CHMP3: variants seen among roughly 807,000 people sequenced by gnomAD.
CHMP3 encodes the protein charged multivesicular body protein 3, also known as 25.1 protein.
A neutral mutation model predicts 27.4 loss-of-function variants in CHMP3; 8 were observed. The ratio of observed to expected loss-of-function variants is 0.29; its 90% CI spans 0.17 to 0.53. The LOEUF (loss-of-function observed/expected upper bound fraction) is 0.53. CHMP3 is among the 20% of genes least tolerant of loss of function. The probability of loss-of-function intolerance (pLI) is 0.96; values close to 1 mark genes in which losing one functional copy is unlikely to be tolerated. For missense variants in CHMP3, 208 were observed against 271.5 expected, an observed-to-expected ratio of 0.77 and a Z score of 1.64; for synonymous variants, 86 against 85.5, an observed-to-expected ratio of 1.01 and a Z score of -0.03.
At chr2:86,563,160 G>GC (rs922295648) in intron 1 of CHMP3, 144 bp downstream of exon 1, 16 of 949,320 alleles carry the variant, frequency 1.7e-5, no homozygotes, top group Admixed American at 1.1e-4. Context: ...TCTTCCTCCG[G>GC]CCCCCCTGTC....
chr2:86,535,994 CTTTTT>C (rs60555193), intron 2 of CHMP3, among the ~76,000 whole-genome samples: 6 of 111,542 alleles, frequency 5.4e-5, no homozygotes, highest in Admixed American at 1.1e-4. Context: ...ATAAACCTTT[CTTTTT>C]TTTTTTTTTT....
intron 1 of CHMP3, among the ~76,000 whole-genome samples, chr2:86,544,876 C>T (rs1202232636): frequency 6.6e-6 from 1 of 152,204 alleles, no homozygotes; most frequent in Non-Finnish European, 1.5e-5. Flanking sequence ...GGGTACACTT[C>T]CCAGACGGGG....
At chr2:86,534,733 C>T (rs1035060180) in intron 2 of CHMP3, among the ~76,000 whole-genome samples, 10 of 152,052 alleles carry the variant, frequency 6.6e-5, no homozygotes, top group African/African-American at 1.9e-4. Flanking sequence ...CTCATATAAT[C>T]TTTATTTAAA....
chr2:86,510,279 C>A, intron 4 of CHMP3, 79 bp downstream of exon 4: 60 of 1,239,680 alleles, frequency 4.8e-5, no homozygotes, highest in Non-Finnish European at 5.3e-5. Flanking sequence ...TCCCCACCCA[C>A]CCTCATCCCT....
chr2:86,556,891 C>T (rs768333212), intron 1 of CHMP3, among the ~76,000 whole-genome samples: 13 of 152,238 alleles, frequency 8.5e-5, no homozygotes, highest in Middle Eastern at 3.4e-3. Context: ...ATCTGCGGGT[C>T]GGACCCGGAA....
At chr2:86,558,565 C>A in intron 1 of CHMP3, among the ~76,000 whole-genome samples, 1 of 152,154 alleles carries the variant, frequency 6.6e-6, no homozygotes. Flanking sequence ...ATCTTACTTG[C>A]CCGAATTGAC....
chr2:86,561,660 T>G (rs1008956225), intron 1 of CHMP3: 1 of 152,234 alleles, frequency 6.6e-6, no homozygotes, highest in Non-Finnish European at 1.5e-5. Context: ...AAGCATAGTT[T>G]TAAAAACCAA....
chr2:86,516,935 T>G (rs1232636275), intron 3 of CHMP3, among the ~76,000 whole-genome samples: 1 of 152,212 alleles, frequency 6.6e-6, no homozygotes, highest in African/African-American at 2.4e-5. Flanking sequence ...ATGGAAATGT[T>G]CTGTAGTTTG....
intron 3 of CHMP3, among the ~76,000 whole-genome samples, chr2:86,527,810 A>C (rs1675773715): frequency 6.6e-6 from 1 of 152,018 alleles, no homozygotes; most frequent in Non-Finnish European, 1.5e-5. Context: ...AAAATACAAA[A>C]ATTAGCTGGG....
intron 1 of CHMP3, among the ~76,000 whole-genome samples, chr2:86,550,632 G>A (rs1486249128): frequency 2.0e-5 from 3 of 151,914 alleles, no homozygotes; most frequent in Non-Finnish European, 4.4e-5. Context: ...TAAATAAAAG[G>A]CATTTACTTA....
intron 3 of CHMP3, among the ~76,000 whole-genome samples, chr2:86,521,067 G>T (rs1276761938): frequency 2.6e-5 from 4 of 152,064 alleles, no homozygotes; most frequent in Non-Finnish European, 4.4e-5. Flanking sequence ...AAGGTTCTTT[G>T]TAATTCTCCC....
At position 86,512,254 on chromosome 2, in the gene CHMP3, G is replaced by T. The variant is rs144739069; in HGVS notation, c.287-1775C>A. 554 of 152,296 alleles carry T rather than the reference G, an allele frequency of 3.6e-3. 3 individuals are homozygous for T. Among genetic ancestry groups the T allele is most frequent in the South Asian group, 0.011 (51 of 4,824 alleles). The allele number at this position is 152,296 out of a possible 1,614,324, so 9.4% of individuals were successfully genotyped here. The stretch of plus-strand genomic sequence containing the variant: ...AATGGATTAGGTGCCCTTAGAAAAG[G>T]GCCTACAGGAGGCAGTTCGTTCTCC... On this transcript the variant is annotated intron_variant, in intron 3 of 5. Coordinates refer to ENST00000263856, the MANE Select transcript of CHMP3 (RefSeq NM_016079.4).
At chr2:86,520,893 C>T (rs939855979) in intron 3 of CHMP3, among the ~76,000 whole-genome samples, 1 of 152,170 alleles carries the variant, frequency 6.6e-6, no homozygotes, top group African/African-American at 2.4e-5. Flanking sequence ...GTGACTTGCA[C>T]GTATACATCC....
intron 4 of CHMP3, among the ~76,000 whole-genome samples, 168 bp from the exon 5 acceptor site, chr2:86,507,761 A>G (rs1434590106): frequency 6.6e-6 from 1 of 152,202 alleles, no homozygotes; most frequent in African/African-American, 2.4e-5. Context: ...TCTCTGCAGA[A>G]ATGCAAAAGC....
rs189823290 is a variant in CHMP3 at position 86,536,820 on chromosome 2, A to C, written c.106+5432T>G. 2.3e-3 allele frequency among the ~76,000 whole-genome samples: 356 copies of C among 152,216 alleles called. 1 individual carries two copies. The highest frequency in any genetic ancestry group is 7.9e-3 in the African/African-American group (328 of 41,524). On this transcript the variant is annotated intron_variant, in intron 2 of 5. Coordinates refer to ENST00000263856, the MANE Select transcript of CHMP3 (RefSeq NM_016079.4). Reference sequence around the variant, plus strand: ...TGCACCTTTCTCTCTCTCTTCTCCTAAAGTTTCCACAATGCATGTTGGTCT... The same window carrying C: ...TGCACCTTTCTCTCTCTCTTCTCCTCAAGTTTCCACAATGCATGTTGGTCT...
At chr2:86,512,260 C>CA (rs1306740655) in intron 3 of CHMP3, 2 of 152,222 alleles carry the variant, frequency 1.3e-5, no homozygotes, top group Admixed American at 1.3e-4. Context: ...AAAGGGCCTA[C>CA]AGGAGGCAGT....
intron 1 of CHMP3, among the ~76,000 whole-genome samples, chr2:86,553,433 G>C (rs762038757): frequency 6.6e-6 from 1 of 152,164 alleles, no homozygotes; most frequent in Non-Finnish European, 1.5e-5. Context: ...CCTGGTTAAA[G>C]CAATTCTCCT....
At chr2:86,534,452 T>C (rs1007769224) in intron 2 of CHMP3, among the ~76,000 whole-genome samples, 2 of 152,104 alleles carry the variant, frequency 1.3e-5, no homozygotes, top group African/African-American at 4.8e-5. Flanking sequence ...TGCCTCGGCC[T>C]CCCAAAGTGC....
chr2:86,562,101 T>C (rs1677393704), intron 1 of CHMP3: 1 of 152,200 alleles, frequency 6.6e-6, no homozygotes, highest in African/African-American at 2.4e-5. Flanking sequence ...CAAAACTGAG[T>C]AAGTTTCCTG....
Sources: allele counts gnomAD v4.1 joint callset (sites outside exome capture counted in the v4.1 genomes callset), GRCh38; gene constraint gnomAD v4.1.1; transcripts MANE v1.5; gene names NCBI Gene and HGNC (gene_info 2026-07-23, HGNC 2026-07-21).